ARMH3: variants seen among roughly 807,000 people sequenced by gnomAD.
ARMH3 encodes the protein armadillo-like helical domain-containing protein 3.
A neutral mutation model predicts 99.1 loss-of-function variants in ARMH3; 60 were observed. The ratio of observed to expected loss-of-function variants is 0.61; its 90% CI spans 0.49 to 0.75. The LOEUF is 0.75. Among genes scored for constraint, ARMH3 ranks in the 30% least tolerant of loss-of-function variants. The pLI is 0.00. For synonymous variants in ARMH3, 285 were observed against 292.8 expected (o/e 0.97, Z 0.27); for missense variants, 679 against 843.1 (o/e 0.81, Z 2.41).
chr10:102,006,687 T>C, intron 13 of ARMH3, 54 bp from the exon 14 acceptor site: 1 of 1,536,640 alleles, frequency 6.5e-7, no homozygotes, highest in South Asian at 1.1e-5. Context: ...TCTCCCTGAG[T>C]ATCAAGTGCC....
At chr10:101,910,482 C>G (rs1338960774) in intron 23 of ARMH3, among the ~76,000 whole-genome samples, 1 of 152,194 alleles carries the variant, frequency 6.6e-6, no homozygotes. Context: ...GTAATCCCAG[C>G]ATTTTGGGAG....
chr10:101,904,128 T>C lies in ARMH3; in HGVS notation c.1782-14638A>G, dbSNP rs182382414. Among the ~76,000 whole-genome samples, 10 of 152,352 alleles carry C rather than the reference T, an allele frequency of 6.6e-5. No individual in the cohort carries two copies. In the East Asian group the frequency reaches 1.2e-3, roughly 18 times the overall value. ...ACCAAACCACACTGACGACACTAAA[T>C]GGCTTGGCTTTGCAGCTGCCTGTTA... On this transcript the variant is annotated intron_variant, in intron 23 of 25. Transcript: ENST00000370033.
Position 102,009,950 on chromosome 10 carries a change from C to A in ARMH3, c.878+27G>T. 3 of 1,608,020 alleles carry A rather than the reference C, an allele frequency of 1.9e-6. No individual in the cohort carries two copies. In the South Asian group the frequency reaches 3.3e-5, roughly 18 times the overall value. The stretch of plus-strand genomic sequence containing the variant: ...GGACAGCCCACACTAAAGTCCAAGT[C>A]ACTGCACAAGAATGTCAGGCACTTA... On this transcript the variant is annotated intron_variant, in intron 12 of 25. Transcript: ENST00000370033.
intron 2 of ARMH3, among the ~76,000 whole-genome samples, chr10:102,035,467 T>G (rs1381966173): frequency 1.3e-5 from 2 of 152,252 alleles, no homozygotes; most frequent in East Asian, 3.9e-4. Context: ...GAAGCTGGAC[T>G]GTACTGCTGC....
In ARMH3 at chr10:102,055,932, G is replaced by A. The variant is rs576514828; in HGVS notation, c.-12+153C>T. ...CCCGGCATACGCAGCTTCAGCAGCC[G>A]TCCTCCCTCCCTCTCCCCTCGCGTC... On this transcript the variant is annotated intron_variant, in intron 1 of 25. Coordinates refer to ENST00000370033, the MANE Select transcript of ARMH3 (RefSeq NM_024541.3). Among the ~76,000 whole-genome samples the A allele has an allele frequency of 7.3e-4, 111 of 152,248 alleles. 1 individual carries two copies. Among genetic ancestry groups the A allele is most frequent in the Admixed American group, 2.9e-3 (44 of 15,286 alleles).
chr10:101,858,709 T>G (rs960014020), intron 24 of ARMH3, among the ~76,000 whole-genome samples: 8 of 152,286 alleles, frequency 5.3e-5, no homozygotes, highest in African/African-American at 1.7e-4. Flanking sequence ...GTTCGTGCAT[T>G]AGCAGGTGGA....
At chr10:101,923,870 TC>T (rs953390151) in intron 23 of ARMH3, among the ~76,000 whole-genome samples, 1 of 152,138 alleles carries the variant, frequency 6.6e-6, no homozygotes, top group African/African-American at 2.4e-5. Context: ...CCCTGATGAT[TC>T]CCCCACCCAC....
intron 24 of ARMH3, among the ~76,000 whole-genome samples, chr10:101,872,795 T>C (rs2067161765): frequency 6.6e-6 from 1 of 151,604 alleles, no homozygotes; most frequent in Non-Finnish European, 1.5e-5. Context: ...CCATCTCTAC[T>C]AAAAATACAA....
intron 23 of ARMH3, among the ~76,000 whole-genome samples, chr10:101,917,495 G>A (rs145974808): frequency 9.2e-5 from 14 of 152,218 alleles, no homozygotes; most frequent in East Asian, 3.9e-4. Context: ...TATCTGTTCC[G>A]CCGTTGAGAG....
chr10:102,000,612 A>C (rs770291080), intron 15 of ARMH3, among the ~76,000 whole-genome samples: 21 of 103,880 alleles, frequency 2.0e-4, no homozygotes, highest in African/African-American at 4.4e-4. Flanking sequence ...TACACACACA[A>C]AAAAAATATT....
Position 101,847,447 on chromosome 10 carries a change from G to A in ARMH3, c.*81C>T. On this transcript the variant is annotated 3_prime_UTR_variant, in exon 26 of 26. Transcript: ENST00000370033. ...GTGTTTCTCTCCAACCTCGGGGGCA[G>A]CCCCCTCTCCCCTCGCTCCCCCTCC... The A allele has an allele frequency of 7.1e-7, 1 of 1,416,712 alleles. No individual in the cohort carries two copies. Among genetic ancestry groups the A allele is most frequent in the Non-Finnish European group, 1.0e-6 (1 of 1,004,442 alleles). The allele number at this position is 1,416,712 out of a possible 1,614,324, so 87.8% of individuals were successfully genotyped here.
intron 23 of ARMH3, among the ~76,000 whole-genome samples, chr10:101,921,194 A>C (rs1294875228): frequency 6.6e-6 from 1 of 152,240 alleles, no homozygotes; most frequent in Admixed American, 6.5e-5. Flanking sequence ...TATATACCAC[A>C]AAGTAGATGA....
At chr10:102,051,432 C>T (rs1378422389) in intron 1 of ARMH3, among the ~76,000 whole-genome samples, 4 of 150,310 alleles carry the variant, frequency 2.7e-5, no homozygotes, top group African/African-American at 9.8e-5. Flanking sequence ...AAGACTGGGC[C>T]ACTGCACTAC....
At chr10:101,922,745 C>A (rs1843353138) in intron 23 of ARMH3, among the ~76,000 whole-genome samples, 1 of 152,090 alleles carries the variant, frequency 6.6e-6, no homozygotes, top group African/African-American at 2.4e-5. Flanking sequence ...AATTATCTCA[C>A]AAGAAAGATG....
chr10:101,964,837 G>A lies in ARMH3; in HGVS notation c.1496-7105C>T, dbSNP rs1227889383. On this transcript the variant is annotated intron_variant, in intron 20 of 25. Coordinates refer to ENST00000370033, the MANE Select transcript of ARMH3 (RefSeq NM_024541.3). ...CCAGCCTGTAACATGGTGAAACCCC[G>A]TCTTTACCAAAAAAAAAAAAAAAAA... 1.1e-4 allele frequency among the ~76,000 whole-genome samples: 16 copies of A among 144,718 alleles called. No individual in the cohort carries two copies. The South Asian group carries it at 2.6e-3, about 24-fold the overall frequency. The allele number at this position is 144,718 out of a possible 152,430, so 94.9% of individuals were successfully genotyped here.
At chr10:101,909,598 T>G (rs1842786711) in intron 23 of ARMH3, among the ~76,000 whole-genome samples, 1 of 150,872 alleles carries the variant, frequency 6.6e-6, no homozygotes, top group African/African-American at 2.4e-5. Flanking sequence ...GCCGCCTGAG[T>G]AGCTGAAACC....
intron 6 of ARMH3, among the ~76,000 whole-genome samples, chr10:102,024,068 C>G (rs1310483944): frequency 1.3e-5 from 2 of 152,168 alleles, no homozygotes; most frequent in Non-Finnish European, 2.9e-5. Flanking sequence ...CAGAAGTCTT[C>G]AAGAGGTGGC....
intron 8 of ARMH3, among the ~76,000 whole-genome samples, chr10:102,023,056 G>A (rs932514537): frequency 1.1e-4 from 16 of 151,968 alleles, no homozygotes; most frequent in Non-Finnish European, 2.2e-4. Flanking sequence ...GCATGATGCC[G>A]CATGCCTGTA....
rs1328234794 is a variant in ARMH3 at position 101,849,790 on chromosome 10, A to G, written c.1963T>C (p.Phe655Leu). Reference protein sequence around the residue: ...RYSEQHKEAAFFKELVRSIST... With the variant: ...RYSEQHKEAALFKELVRSIST... ...GGGGCACTCACCAGCTCTTTGAAGA[A>G]GGCAGCTTCCTTGTGCTGCTCTGAG... The change falls in exon 25 of 26, where the codon TTC (phenylalanine) becomes CTC (leucine). Residue 655 changes from phenylalanine to leucine, a missense_variant. Transcript: ENST00000370033. 6.2e-7 allele frequency: 1 copy of G among 1,614,012 alleles called. No homozygotes were observed.
Sources: allele counts gnomAD v4.1 joint callset (sites outside exome capture counted in the v4.1 genomes callset), GRCh38; gene constraint gnomAD v4.1.1; transcripts MANE v1.5; gene names NCBI Gene and HGNC (gene_info 2026-07-23, HGNC 2026-07-21).